Variants in LCOR observed in about 807,000 individuals in gnomAD.
The protein encoded by LCOR is ligand dependent nuclear receptor corepressor, also known as ligand-dependent corepressor.
A neutral mutation model predicts 64.4 loss-of-function variants in LCOR; 14 were observed. The observed-to-expected ratio is 0.22, with a 90% CI of 0.14 to 0.34. The LOEUF is 0.34. LCOR is among the 10% of genes least tolerant of loss of function. The probability of loss-of-function intolerance (pLI) is 1.00; values close to 1 mark genes in which losing one functional copy is unlikely to be tolerated. For synonymous variants in LCOR, 643 were observed against 642.5 expected (o/e 1.00, Z -0.01); for missense variants, 1,686 against 1,765.3 (o/e 0.96, Z 0.80).
chr10:96,877,915 A>C (rs1259299505), intron 2 of LCOR, among the ~76,000 whole-genome samples: 1 of 152,158 alleles, frequency 6.6e-6, no homozygotes, highest in Non-Finnish European at 1.5e-5. Flanking sequence ...CCGACCTGAA[A>C]ATTTATAATA....
chr10:96,880,743 C>G lies in LCOR; in HGVS notation c.-329-26522C>G, dbSNP rs141524883. On this transcript the variant is annotated intron_variant, in intron 2 of 7. Transcript: ENST00000421806. ...GGGACCACATAAATATAGAGCAACA[C>G]TATATGATTTAATTCTGCTTCTCTT... Among the ~76,000 whole-genome samples, 201 of 152,310 alleles carry G rather than the reference C, an allele frequency of 1.3e-3. 1 individual carries two copies. The highest frequency in any genetic ancestry group is 4.7e-3 in the African/African-American group (196 of 41,580).
At chr10:96,978,503 T>G (rs149785065) in intron 7 of LCOR, among the ~76,000 whole-genome samples, 1 of 152,356 alleles carries the variant, frequency 6.6e-6, no homozygotes, top group Non-Finnish European at 1.5e-5. Context: ...TTGTGTACCT[T>G]TTGTAATACT....
At chr10:96,969,774 CTTTTTTTTTTT>C (rs58881683) in intron 7 of LCOR, among the ~76,000 whole-genome samples, 1 of 124,114 alleles carries the variant, frequency 8.1e-6, no homozygotes, top group Non-Finnish European at 1.7e-5. Context: ...TTTTTTTTTT[CTTTTTTTTTTT>C]TTTTCTTTTT....
intron 4 of LCOR, among the ~76,000 whole-genome samples, chr10:96,922,938 T>C (rs927277633): frequency 6.6e-6 from 1 of 152,214 alleles, no homozygotes; most frequent in Non-Finnish European, 1.5e-5. Flanking sequence ...TGGTTTTCTA[T>C]TCATTAACTT....
chr10:96,921,959 G>A (rs998884098), intron 4 of LCOR, among the ~76,000 whole-genome samples: 10 of 152,324 alleles, frequency 6.6e-5, no homozygotes, highest in African/African-American at 2.2e-4. Context: ...CACATTCTGG[G>A]AGGGATTACT....
rs1204138612 is a variant in LCOR at position 96,957,176 on chromosome 10, T to A, written c.332+4980T>A. 1.1e-5 allele frequency: 11 copies of A among 984,552 alleles called. No homozygotes were observed. The South Asian group carries it at 3.8e-4, about 34-fold the overall frequency. The allele number at this position is 984,552 out of a possible 1,614,324, so 61.0% of individuals were successfully genotyped here. On this transcript the variant is annotated intron_variant, in intron 7 of 7. Coordinates refer to ENST00000421806, the MANE Select transcript of LCOR (RefSeq NM_001346516.2). ...AGGGAGAGGTGTTGGGTTTTTTTTT[T>A]AAGTTTTTATTTAATTTTGTTGGTT... is the stretch of plus-strand genomic sequence containing the variant.
chr10:96,832,578 T>TCCCCTGCTCGGCCGAGCGCGCGCC (rs1564594874), intron 1 of LCOR, among the ~76,000 whole-genome samples, 179 bp downstream of exon 1: 2 of 105,336 alleles, frequency 1.9e-5, no homozygotes, highest in Non-Finnish European at 3.7e-5. Flanking sequence ...CCAGGCGGGC[T>TCCCCTGCTCGGCCGAGCGCGCGCC]CCCCTGCTCG....
chr10:96,878,368 A>G (rs779759420), intron 2 of LCOR, among the ~76,000 whole-genome samples: 10 of 152,244 alleles, frequency 6.6e-5, no homozygotes, highest in Non-Finnish European at 1.2e-4. Context: ...CTCGTACCAG[A>G]TACTAGTAGA....
intron 7 of LCOR, among the ~76,000 whole-genome samples, chr10:96,965,366 T>C (rs185581622): frequency 5.8e-4 from 88 of 151,674 alleles, no homozygotes; most frequent in African/African-American, 2.1e-3. Context: ...AGTTTATCTT[T>C]TAATAGTTTT....
intron 2 of LCOR, among the ~76,000 whole-genome samples, chr10:96,859,310 A>G (rs541740006): frequency 4.1e-4 from 62 of 152,280 alleles, no homozygotes; most frequent in African/African-American, 1.4e-3. Flanking sequence ...CCCGGGTTCA[A>G]GCAATTCTCC....
intron 4 of LCOR, among the ~76,000 whole-genome samples, chr10:96,938,495 C>A (rs1847391300): frequency 6.6e-6 from 1 of 152,078 alleles, no homozygotes; most frequent in Non-Finnish European, 1.5e-5. Flanking sequence ...TGTCCACTCT[C>A]ACCATGTACA....
At chr10:96,893,495 T>C (rs1776890817) in intron 2 of LCOR, among the ~76,000 whole-genome samples, 1 of 152,198 alleles carries the variant, frequency 6.6e-6, no homozygotes, top group African/African-American at 2.4e-5. Context: ...CCAGGCACAG[T>C]GGCTCACACC....
At chr10:96,861,309 C>CG (rs1845883195) in intron 2 of LCOR, among the ~76,000 whole-genome samples, 5 of 152,182 alleles carry the variant, frequency 3.3e-5, no homozygotes, top group Admixed American at 2.6e-4. Flanking sequence ...AAGAAAATGT[C>CG]ATAAGTTCGT....
At chr10:96,876,658 A>G (rs1360563505) in intron 2 of LCOR, among the ~76,000 whole-genome samples, 1 of 152,232 alleles carries the variant, frequency 6.6e-6, no homozygotes, top group Non-Finnish European at 1.5e-5. Context: ...GGCAATGAAT[A>G]GGCAGTTCAC....
At chr10:96,897,821 G>A (rs915232570) in intron 2 of LCOR, among the ~76,000 whole-genome samples, 2 of 149,404 alleles carry the variant, frequency 1.3e-5, no homozygotes, top group African/African-American at 2.5e-5. Flanking sequence ...TCTGGTTTTA[G>A]TCTATAGATA....
chr10:96,920,634 T>G (rs1351091493), intron 4 of LCOR, among the ~76,000 whole-genome samples: 21 of 145,890 alleles, frequency 1.4e-4, no homozygotes, highest in African/African-American at 4.1e-4. Flanking sequence ...GTATGTACAT[T>G]CATATATGTG....
At chr10:96,917,871 A>T (rs1307604386) in intron 4 of LCOR, among the ~76,000 whole-genome samples, 3 of 152,214 alleles carry the variant, frequency 2.0e-5, no homozygotes, top group Admixed American at 2.0e-4. Context: ...GCATGAAATT[A>T]AAAGTCAATT....
At chr10:96,912,112 T>G (rs1440659249) in intron 4 of LCOR, among the ~76,000 whole-genome samples, 1 of 152,060 alleles carries the variant, frequency 6.6e-6, no homozygotes, top group Non-Finnish European at 1.5e-5. Flanking sequence ...TTTTGTATTT[T>G]TAGTAGAGGC....
chr10:96,877,366 C>T (rs536565005), intron 2 of LCOR, among the ~76,000 whole-genome samples: 101 of 151,966 alleles, frequency 6.6e-4, no homozygotes, highest in African/African-American at 2.4e-3. Context: ...CTCTACAAAA[C>T]ATTCAAAAAT....
Sources: gnomAD v4.1 joint callset for allele counts (sites outside exome capture counted in the v4.1 genomes callset) on GRCh38, gnomAD v4.1.1 for gene constraint, MANE v1.5 for transcripts, NCBI Gene and HGNC (gene_info 2026-07-23, HGNC 2026-07-21) for gene names.